The following PICALM variants were observed in gnomAD, a reference collection of about 807,000 sequenced individuals.
PICALM encodes the protein phosphatidylinositol binding clathrin assembly protein, also known as phosphatidylinositol-binding clathrin assembly protein.
Under a neutral mutation model 80.5 loss-of-function variants are expected in PICALM, and 40 were observed. That is an observed-to-expected ratio of 0.50 (90% confidence interval 0.39 to 0.65). The LOEUF (loss-of-function observed/expected upper bound fraction) is 0.65. PICALM is among the 30% of genes least tolerant of loss of function. The pLI is 0.00. For synonymous variants in PICALM, 288 were observed against 260.3 expected, an observed-to-expected ratio of 1.11 and a Z score of -1.02; for missense variants, 676 against 778.9, an observed-to-expected ratio of 0.87 and a Z score of 1.57.
In PICALM at chr11:85,974,734, G is replaced by T. The variant is rs1307886140; in HGVS notation, c.1918C>A (p.Pro640Thr). 1.2e-6 allele frequency: 2 copies of T among 1,611,970 alleles called. No homozygotes were observed. Among genetic ancestry groups the T allele is most frequent in the Non-Finnish European group, 8.5e-7 (1 of 1,178,116 alleles). ...TGTGCTCCTGATACAGGGCCAAAGG[G>T]GTTTGGAGGTCTCATGACAGGCTGG... The part of the protein sequence containing the change: ...YSQPVMRPPN[P>T]FGPVSGAQIQ... The change falls in exon 19 of 20, where the codon CCC (proline) becomes ACC (threonine). Residue 640 changes from proline (P) to threonine (T), a missense_variant. Pro to Thr is a conservative substitution (Grantham distance 38, BLOSUM62 -1). This residue lies in a region of PICALM where 391 missense variants were observed against 383.6 expected (regional missense o/e 1.02). Transcript: ENST00000393346.
chr11:86,034,254 T>C (rs2095805437), intron 1 of PICALM, among the ~76,000 whole-genome samples: 1 of 152,196 alleles, frequency 6.6e-6, no homozygotes, highest in African/African-American at 2.4e-5. Context: ...ATTAGCAGTC[T>C]ATACCTCCCA....
At chr11:86,014,379 C>T (rs1435837700) in intron 5 of PICALM, among the ~76,000 whole-genome samples, 1 of 152,172 alleles carries the variant, frequency 6.6e-6, no homozygotes, top group Non-Finnish European at 1.5e-5. Flanking sequence ...ACAAAGCTGG[C>T]AGCTTGGTTC....
chr11:86,065,368 G>T (rs184798337), intron 1 of PICALM, among the ~76,000 whole-genome samples: 2 of 152,008 alleles, frequency 1.3e-5, no homozygotes, highest in African/African-American at 4.8e-5. Context: ...TCTTGAACCT[G>T]GGAGGCAGAG....
chr11:86,034,639 T>C (rs1452250698), intron 1 of PICALM, among the ~76,000 whole-genome samples: 2 of 152,060 alleles, frequency 1.3e-5, no homozygotes, highest in Non-Finnish European at 2.9e-5. Flanking sequence ...TTATTAACAA[T>C]TTCTGAATCC....
At chr11:86,054,209 T>C (rs2096235860) in intron 1 of PICALM, among the ~76,000 whole-genome samples, 1 of 152,224 alleles carries the variant, frequency 6.6e-6, no homozygotes, top group South Asian at 2.1e-4. Flanking sequence ...AAGGTATATT[T>C]AGCCCCCTGC....
At chr11:86,022,656 AG>A (rs2095585520) in intron 3 of PICALM, among the ~76,000 whole-genome samples, 187 bp from the exon 4 acceptor site, 1 of 152,110 alleles carries the variant, frequency 6.6e-6, no homozygotes, top group Non-Finnish European at 1.5e-5. Flanking sequence ...AATTCTCTTA[AG>A]GCTTCATATT....
chr11:86,049,410 G>A (rs1409057632), intron 1 of PICALM, among the ~76,000 whole-genome samples: 3 of 152,120 alleles, frequency 2.0e-5, no homozygotes, highest in African/African-American at 7.2e-5. Flanking sequence ...TCATTGCAGA[G>A]CAACCCACTC....
At chr11:86,017,461 A>G (rs1486964908) in intron 4 of PICALM, among the ~76,000 whole-genome samples, 2 of 152,238 alleles carry the variant, frequency 1.3e-5, no homozygotes, top group Admixed American at 6.5e-5. Context: ...AAATACTCAT[A>G]ACCTATAACA....
At chr11:85,977,817 C>G (rs989863748) in intron 17 of PICALM, among the ~76,000 whole-genome samples, 2 of 152,166 alleles carry the variant, frequency 1.3e-5, no homozygotes, top group South Asian at 4.1e-4. Context: ...CACAGATACA[C>G]ACACAGACAC....
intron 1 of PICALM, among the ~76,000 whole-genome samples, chr11:86,041,870 T>A (rs1169465017): frequency 1.3e-5 from 2 of 152,212 alleles, no homozygotes; most frequent in Non-Finnish European, 1.5e-5. Flanking sequence ...GTTTAAGTCA[T>A]GAAAATGCTC....
intron 1 of PICALM, among the ~76,000 whole-genome samples, chr11:86,054,015 T>C (rs565278030): frequency 2.6e-5 from 4 of 152,358 alleles, no homozygotes; most frequent in East Asian, 3.8e-4. Flanking sequence ...ACAAATCTTA[T>C]TTATTCATAC....
intron 8 of PICALM, among the ~76,000 whole-genome samples, chr11:86,005,666 A>G: frequency 6.6e-6 from 1 of 151,892 alleles, no homozygotes; most frequent in East Asian, 1.9e-4. Flanking sequence ...GATTTTGTCA[A>G]TGCGCCCCAG....
chr11:86,032,284 C>T (rs1052125826), intron 1 of PICALM, among the ~76,000 whole-genome samples: 1 of 152,066 alleles, frequency 6.6e-6, no homozygotes. Flanking sequence ...AGAAGAGTAA[C>T]CTACAATCTG....
At chr11:86,009,422 T>C (rs1217130989) in intron 7 of PICALM, among the ~76,000 whole-genome samples, 1 of 151,364 alleles carries the variant, frequency 6.6e-6, no homozygotes, top group Non-Finnish European at 1.5e-5. Flanking sequence ...CGGGATGCCA[T>C]GGCTCACGCC....
rs376759395 is a variant in PICALM, at chr11:86,056,134, T to TAAAA, written c.130+12516_130+12517insTTTT. Among the ~76,000 whole-genome samples, 384 of 76,844 alleles carry TAAAA rather than the reference T, an allele frequency of 5.0e-3. 44 individuals are homozygous for TAAAA. The highest frequency in any genetic ancestry group is 8.0e-3 in the Non-Finnish European group (303 of 38,092). The allele number at this position is 76,844 out of a possible 152,430, so 50.4% of individuals were successfully genotyped here. A position where few individuals can be genotyped will look rare whatever the true frequency, so the allele number is the denominator to read the frequency against. ...TGGGTGACAGAACAAGACTCTGTCT[T>TAAAA]TAAAAAAAAAAAAAAAGAAAAAACC... On this transcript the variant is annotated intron_variant, in intron 1 of 19. Transcript: ENST00000393346.
chr11:85,967,044 A>G (rs916402350), intron 19 of PICALM, among the ~76,000 whole-genome samples: 4 of 152,216 alleles, frequency 2.6e-5, no homozygotes, highest in Non-Finnish European at 4.4e-5. Context: ...CAGCAGTCCT[A>G]GGAAACTATA....
At chr11:86,029,401 A>C (rs1368079327) in intron 2 of PICALM, among the ~76,000 whole-genome samples, 1 of 152,232 alleles carries the variant, frequency 6.6e-6, no homozygotes, top group Admixed American at 6.5e-5. Context: ...TAAAAACCTG[A>C]AGGTTGTACA....
At chr11:85,986,501 C>G (rs1320840848) in intron 13 of PICALM, among the ~76,000 whole-genome samples, 1 of 149,718 alleles carries the variant, frequency 6.7e-6, no homozygotes, top group Non-Finnish European at 1.5e-5. Context: ...CGCCATTCTC[C>G]TGCCTCAGCC....
intron 4 of PICALM, among the ~76,000 whole-genome samples, chr11:86,021,464 C>T (rs1335335851): frequency 6.7e-6 from 1 of 150,362 alleles, no homozygotes; most frequent in Non-Finnish European, 1.5e-5. Flanking sequence ...TCACAAGACA[C>T]CAGTTCACAC....
Sources: allele counts gnomAD v4.1 joint callset (sites outside exome capture counted in the v4.1 genomes callset), GRCh38; gene constraint gnomAD v4.1.1; regional missense constraint gnomAD v4.1.1; transcripts MANE v1.5; gene names NCBI Gene and HGNC (gene_info 2026-07-23, HGNC 2026-07-21).